Variants in MCEE observed in about 807,000 individuals in gnomAD.
MCEE encodes methylmalonyl-CoA epimerase.
A neutral mutation model predicts 12.9 loss-of-function variants in MCEE; 6 were observed. The observed-to-expected ratio is 0.47, with a 90% CI of 0.26 to 0.92. The LOEUF is 0.92. Ranked by LOEUF, MCEE falls within the 40% of genes least tolerant of loss-of-function variation. The probability of loss-of-function intolerance (pLI) is 0.16; values close to 1 mark genes in which losing one functional copy is unlikely to be tolerated. For missense variants in MCEE, 214 were observed against 212.1 expected, an observed-to-expected ratio of 1.01 and a Z score of -0.05; for synonymous variants, 78 against 77.9, an observed-to-expected ratio of 1.00 and a Z score of -0.01.
chr2:71,117,383 T>C (rs1438296068), intron 2 of MCEE: 1 of 150,514 alleles, frequency 6.6e-6, no homozygotes, highest in African/African-American at 2.5e-5. Context: ...ATTTTCACAG[T>C]GGATAGTAAA....
rs776909625 is a variant in MCEE, at chr2:71,124,270, T to A, written c.314A>T (p.Asp105Val). 6.2e-7 allele frequency: 1 copy of A among 1,614,158 alleles called. No homozygotes were observed. The highest frequency in any genetic ancestry group is 2.2e-5 in the East Asian group (1 of 44,894). Residue 105 changes from aspartate to valine, a missense_variant, in exon 2 of 3, where the codon GAC (aspartate) becomes GTC (valine). Physicochemically the swap from Asp to Val is radical, Grantham distance 152 (BLOSUM62 -3). Transcript: ENST00000244217. Reference protein sequence around the residue: ...KMELLHPLGRDSPIAGFLQKN... With the variant: ...KMELLHPLGRVSPIAGFLQKN... ...CTGCAGAAAACCTGCAATTGGACTG[T>A]CACGTCCCAATGGATGAAGCAGTTC...
At chr2:71,119,889 T>TA (rs11316847) in intron 2 of MCEE, among the ~76,000 whole-genome samples, 42 of 143,072 alleles carry the variant, frequency 2.9e-4, no homozygotes, top group South Asian at 1.3e-3. Flanking sequence ...ATTTGTCTCT[T>TA]AAAAAAAAAA....
At chr2:71,110,154 G>A (rs752689392) in intron 2 of MCEE, 32 bp from the exon 3 acceptor site, 8 of 1,599,208 alleles carry the variant, frequency 5.0e-6, no homozygotes, top group Non-Finnish European at 6.8e-6. Flanking sequence ...GAACACATTT[G>A]AGATCATAAA....
intron 2 of MCEE, among the ~76,000 whole-genome samples, chr2:71,121,003 C>T (rs763203292): frequency 4.6e-5 from 7 of 152,168 alleles, no homozygotes; most frequent in African/African-American, 7.2e-5. Context: ...TCCCAAAGTG[C>T]TGTAATAAGC....
intron 1 of MCEE, among the ~76,000 whole-genome samples, chr2:71,128,964 G>A (rs1473891102): frequency 4.1e-5 from 6 of 147,234 alleles, no homozygotes; most frequent in Non-Finnish European, 7.4e-5. Flanking sequence ...CAGCCTGGGC[G>A]ACAGAGTGAG....
chr2:71,114,921 T>C lies in MCEE; in HGVS notation c.379-4799A>G, dbSNP rs1042071451. Among the ~76,000 whole-genome samples the C allele has an allele frequency of 3.3e-5, 5 of 152,364 alleles. No individual in the cohort carries two copies. The East Asian group carries it at 9.6e-4, about 29-fold the overall frequency. ...TTTGAACAATTTCATGATATAATCA[T>C]GACTTTTTCCATAGTGCCCTTTTGA... On this transcript the variant is annotated intron_variant, in intron 2 of 2. Transcript: ENST00000244217.
chr2:71,113,925 C>T (rs1354238841), intron 2 of MCEE, among the ~76,000 whole-genome samples: 3 of 152,136 alleles, frequency 2.0e-5, no homozygotes, highest in Non-Finnish European at 4.4e-5. Context: ...ATGAAAATGA[C>T]ACTTTACCTC....
In MCEE at chr2:71,124,460, C is replaced by A; in HGVS notation, c.124G>T (p.Val42Leu). 1.9e-6 allele frequency: 3 copies of A among 1,614,040 alleles called. No homozygotes were observed. Among genetic ancestry groups the A allele is most frequent in the Non-Finnish European group, 2.5e-6 (3 of 1,179,914 alleles). ...TGGTTGAGTCGACCCAGGTTCCACA[C>A]AGAACCTGTCACTTGATCCAAGGGC... Reference protein sequence around the residue: ...SQPLDQVTGSVWNLGRLNHVA... With the variant: ...SQPLDQVTGSLWNLGRLNHVA... The change falls in exon 2 of 3, where the codon GTG becomes TTG. Residue 42 changes from valine (V) to leucine (L), a missense_variant. Physicochemically the swap from Val to Leu is conservative, Grantham distance 32 (BLOSUM62 1). Transcript: ENST00000244217.
intron 2 of MCEE, among the ~76,000 whole-genome samples, chr2:71,121,066 G>A (rs764280420): frequency 9.2e-5 from 14 of 152,076 alleles, no homozygotes; most frequent in African/African-American, 2.9e-4. Context: ...ACCAAGCGTG[G>A]CATCCATTGA....
At position 71,129,766 on chromosome 2, in the gene MCEE, T is replaced by C. The variant is rs1673327644; in HGVS notation, c.40+414A>G. On this transcript the variant is annotated intron_variant, in intron 1 of 2. Coordinates refer to ENST00000244217, the MANE Select transcript of MCEE (RefSeq NM_032601.4). Reference sequence around the variant, plus strand: ...TGGTCACGCTTGGAGTTCGGCCGACTAGTAGTTGTTGTTTTTACGGAACGT... The same window carrying C: ...TGGTCACGCTTGGAGTTCGGCCGACCAGTAGTTGTTGTTTTTACGGAACGT... 1.7e-5 allele frequency: 5 copies of C among 296,398 alleles called. No homozygotes were observed. In the Admixed American group the frequency reaches 2.3e-4, roughly 14 times the overall value. The allele number at this position is 296,398 out of a possible 1,614,324, so 18.4% of individuals were successfully genotyped here. A position where few individuals can be genotyped will look rare whatever the true frequency, so the allele number is the denominator to read the frequency against.
At chr2:71,129,496 G>GA (rs3070609) in intron 1 of MCEE, among the ~76,000 whole-genome samples, 49,070 of 145,052 alleles carry the variant, frequency 0.34, 8,272 homozygotes, top group Admixed American at 0.41. Context: ...AGGAGGAAGA[G>GA]AAAAAAAAAA....
rs143992003 is a variant in MCEE, at chr2:71,112,811, T to C, written c.379-2689A>G. Among the ~76,000 whole-genome samples the C allele has an allele frequency of 3.4e-3, 515 of 152,336 alleles. 4 individuals are homozygous for C. Among genetic ancestry groups the C allele is most frequent in the African/African-American group, 0.012 (489 of 41,568 alleles). ...CCATAGAGTGATGTTTTACATCAGA[T>C]TGGTAGTGTCCTTGTCAACTATTTT... is the stretch of plus-strand genomic sequence containing the variant. On this transcript the variant is annotated intron_variant, in intron 2 of 2. Transcript: ENST00000244217.
chr2:71,110,297 G>A (rs1465371215), intron 2 of MCEE, among the ~76,000 whole-genome samples, 175 bp from the exon 3 acceptor site: 1 of 152,142 alleles, frequency 6.6e-6, no homozygotes, highest in African/African-American at 2.4e-5. Flanking sequence ...AGAAGTAAGA[G>A]AAGTTACTAA....
rs117426308 is a variant in MCEE, at chr2:71,129,709, C to A, written c.40+471G>T. On this transcript the variant is annotated intron_variant, in intron 1 of 2. Coordinates refer to ENST00000244217, the MANE Select transcript of MCEE (RefSeq NM_032601.4). The stretch of plus-strand genomic sequence containing the variant: ...AACCACTCCTTTTGTATTCTTTACA[C>A]CACTGACCTTTGAGTGTTCCCAACA... The A allele has an allele frequency of 1.1e-3, 256 of 231,060 alleles. 5 individuals carry two copies. In the East Asian group the frequency reaches 0.027, roughly 25 times the overall value. The allele number at this position is 231,060 out of a possible 1,614,324, so 14.3% of individuals were successfully genotyped here.
At chr2:71,113,400 C>T (rs1484398475) in intron 2 of MCEE, among the ~76,000 whole-genome samples, 1 of 152,106 alleles carries the variant, frequency 6.6e-6, no homozygotes, top group Admixed American at 6.5e-5. Flanking sequence ...TAGATCTTGG[C>T]TTCTAATACC....
At chr2:71,116,319 G>A (rs1350432551) in intron 2 of MCEE, among the ~76,000 whole-genome samples, 3 of 150,078 alleles carry the variant, frequency 2.0e-5, no homozygotes, top group South Asian at 2.1e-4. Flanking sequence ...TGATCCACCC[G>A]CCTCGGCCTC....
chr2:71,118,609 C>T (rs1008760337), intron 2 of MCEE, among the ~76,000 whole-genome samples: 3 of 149,892 alleles, frequency 2.0e-5, no homozygotes, highest in Non-Finnish European at 2.9e-5. Flanking sequence ...ACTGTCCTCC[C>T]GTAGCGGAAG....
chr2:71,126,568 C>CAAAAAAAA (rs70959207), intron 1 of MCEE, among the ~76,000 whole-genome samples: 1 of 72,140 alleles, frequency 1.4e-5, no homozygotes, highest in Admixed American at 1.9e-4. Context: ...TACATTTTAC[C>CAAAAAAAA]AAAAAAAAAA....
Position 71,109,699 on chromosome 2 carries a change from AATTT to A in MCEE, c.*267_*270del, listed in dbSNP as rs1304393530. 3.9e-5 allele frequency: 9 copies of A among 232,256 alleles called. No homozygotes were observed. The highest frequency in any genetic ancestry group is 2.4e-4 in the South Asian group (3 of 12,644). 14.4% of individuals were successfully genotyped at this position (232,256 alleles called of 1,614,324 possible). A position where few individuals can be genotyped will look rare whatever the true frequency, so the allele number is the denominator to read the frequency against. Reference sequence around the variant, plus strand: ...AATTACCCCATTGTAGAAGAGGAATAATTTATTTCTATATGATTTTAATAATGTT... The same window carrying A: ...AATTACCCCATTGTAGAAGAGGAATAATTTCTATATGATTTTAATAATGTT... On this transcript the variant is annotated 3_prime_UTR_variant, in exon 3 of 3. Transcript: ENST00000244217.
Sources: gnomAD v4.1 joint callset for allele counts (sites outside exome capture counted in the v4.1 genomes callset) on GRCh38, gnomAD v4.1.1 for gene constraint, MANE v1.5 for transcripts, NCBI Gene and HGNC (gene_info 2026-07-23, HGNC 2026-07-21) for gene names.